The following BBOX1 variants were observed in gnomAD, a reference collection of about 807,000 sequenced individuals.
The protein encoded by BBOX1 is gamma-butyrobetaine hydroxylase 1.
Under a neutral mutation model 41.6 loss-of-function variants are expected in BBOX1, and 35 were observed. That is an observed-to-expected ratio of 0.84 (90% confidence interval 0.64 to 1.11). The LOEUF (loss-of-function observed/expected upper bound fraction) is 1.11. Among genes scored for constraint, BBOX1 ranks in the 50% most tolerant of loss-of-function variants. The pLI is 0.00. For synonymous variants in BBOX1, 163 were observed against 154.7 expected (o/e 1.05, Z -0.40); for missense variants, 458 against 460.6 (o/e 0.99, Z 0.05).
At chr11:27,071,398 G>C (rs886765523) in intron 4 of BBOX1, among the ~76,000 whole-genome samples, 46 of 151,398 alleles carry the variant, frequency 3.0e-4, no homozygotes, top group Non-Finnish European at 1.0e-4. Flanking sequence ...AAAAAAAGGG[G>C]GCTAAAGATA....
chr11:27,099,561 G>T (rs755868759), intron 5 of BBOX1, among the ~76,000 whole-genome samples: 8 of 152,000 alleles, frequency 5.3e-5, no homozygotes, highest in Non-Finnish European at 1.5e-5. Flanking sequence ...AAATACTTTG[G>T]AAACTTTACG....
At chr11:27,071,215 CA>C (rs746944498) in intron 4 of BBOX1, among the ~76,000 whole-genome samples, 2 of 151,116 alleles carry the variant, frequency 1.3e-5, no homozygotes, top group Admixed American at 6.6e-5. Flanking sequence ...TCTACTAAAA[CA>C]AAAAAAATGC....
intron 3 of BBOX1, among the ~76,000 whole-genome samples, chr11:27,056,623 A>C (rs958320868): frequency 1.3e-5 from 2 of 152,106 alleles, no homozygotes; most frequent in African/African-American, 2.4e-5. Context: ...TTATCACAGA[A>C]AGTTTGGGGA....
intron 4 of BBOX1, among the ~76,000 whole-genome samples, chr11:27,074,694 A>G (rs7931643): frequency 0.59 from 90,499 of 152,154 alleles, 29,675 homozygotes; most frequent in East Asian, 0.94. Context: ...ATAAAAGTCT[A>G]TACTCATATG....
chr11:27,044,436 A>C (rs1203746541), intron 2 of BBOX1, among the ~76,000 whole-genome samples: 1 of 152,072 alleles, frequency 6.6e-6, no homozygotes, highest in Non-Finnish European at 1.5e-5. Flanking sequence ...TCTTTAGTTT[A>C]ATTAGATCCA....
chr11:27,113,349 C>T (rs1244514136), intron 5 of BBOX1, among the ~76,000 whole-genome samples: 1 of 151,868 alleles, frequency 6.6e-6, no homozygotes, highest in East Asian at 1.9e-4. Flanking sequence ...AACATGTATG[C>T]ACGCATATGT....
intron 5 of BBOX1, among the ~76,000 whole-genome samples, chr11:27,098,162 C>A (rs1334852620): frequency 6.6e-6 from 1 of 151,900 alleles, no homozygotes; most frequent in African/African-American, 2.4e-5. Context: ...GCTTTTTGGC[C>A]TTTCTTGCCC....
rs553577622 is a variant in BBOX1 at position 27,084,774 on chromosome 11, G to A, written c.335-8394G>A. Among the ~76,000 whole-genome samples the A allele has an allele frequency of 1.1e-4, 16 of 152,192 alleles. No homozygotes were observed. In the South Asian group the frequency reaches 3.3e-3, roughly 32 times the overall value. On this transcript the variant is annotated intron_variant, in intron 4 of 8. Coordinates refer to ENST00000263182, the MANE Select transcript of BBOX1 (RefSeq NM_003986.3). Reference sequence around the variant, plus strand: ...TTTTCCTTTTTTGAAATACAGCTCAGGATCCAGGAATGTGATGCTTAACCC... The same window carrying A: ...TTTTCCTTTTTTGAAATACAGCTCAAGATCCAGGAATGTGATGCTTAACCC...
chr11:27,055,967 C>T (rs935711743), intron 3 of BBOX1, among the ~76,000 whole-genome samples: 18 of 152,294 alleles, frequency 1.2e-4, no homozygotes, highest in African/African-American at 4.1e-4. Flanking sequence ...AAACCAGAGG[C>T]AGCCACCATT....
intron 4 of BBOX1, among the ~76,000 whole-genome samples, chr11:27,070,355 G>A (rs766416031): frequency 6.6e-6 from 1 of 151,996 alleles, no homozygotes; most frequent in African/African-American, 2.4e-5. Flanking sequence ...TGTCAGTGGG[G>A]TATCGAAGTT....
intron 6 of BBOX1, among the ~76,000 whole-genome samples, chr11:27,116,321 G>T (rs116962703): frequency 0.033 from 5,078 of 151,784 alleles, 130 homozygotes; most frequent in South Asian, 0.11. Flanking sequence ...GGGCCTGTTG[G>T]GGGGGTTGGG....
rs1013106465 is a variant in BBOX1 at position 27,093,289 on chromosome 11, C to T, written c.456C>T (p.Leu152=). The T allele has an allele frequency of 5.6e-6, 9 of 1,612,462 alleles. No individual in the cohort carries two copies. Among genetic ancestry groups the T allele is most frequent in the African/African-American group, 1.3e-5 (1 of 74,798 alleles). Residue 152 remains leucine (L), a synonymous_variant, in exon 5 of 9, where the codon CTC becomes CTT. Transcript: ENST00000263182. ...TCAAGAAAGTAGGCATAGTAAGACT[C>T]ACCGGAGCATCTGACAAACCAGGAG... ...STLKKVGIVR[L]TGASDKPGEV...
chr11:27,110,725 C>G (rs891287555), intron 5 of BBOX1, among the ~76,000 whole-genome samples: 1 of 151,828 alleles, frequency 6.6e-6, no homozygotes, highest in Non-Finnish European at 1.5e-5. Flanking sequence ...CTTTGTAGAA[C>G]CTATCTCTAT....
chr11:27,057,523 GA>G, intron 4 of BBOX1: 1 of 484,742 alleles, frequency 2.1e-6, no homozygotes, highest in East Asian at 4.1e-5. Flanking sequence ...ATTCTACAGA[GA>G]AAGAAACAAA....
intron 2 of BBOX1, chr11:27,047,041 C>T (rs980327548): frequency 5.9e-5 from 9 of 152,030 alleles, no homozygotes; most frequent in Non-Finnish European, 1.0e-4. Flanking sequence ...TCACGTTTAT[C>T]ATAAATTTAA....
chr11:27,090,044 C>T (rs530179619), intron 4 of BBOX1, among the ~76,000 whole-genome samples: 1 of 151,952 alleles, frequency 6.6e-6, no homozygotes, highest in African/African-American at 2.4e-5. Flanking sequence ...ACATCTATTG[C>T]CTCTCTGAGA....
chr11:27,070,126 G>C lies in BBOX1; in HGVS notation c.334+12811G>C, dbSNP rs113123193. Among the ~76,000 whole-genome samples the C allele has an allele frequency of 2.2e-3, 328 of 152,178 alleles. 2 individuals carry two copies. The highest frequency in any genetic ancestry group is 7.1e-3 in the African/African-American group (295 of 41,554). ...AGTTTTATTCCACTGTGTTCTGAGA[G>C]GGTACTTGATATAATTTTGATTTTC... On this transcript the variant is annotated intron_variant, in intron 4 of 8. Transcript: ENST00000263182.
chr11:27,050,137 G>T (rs1851626320), intron 2 of BBOX1, among the ~76,000 whole-genome samples: 1 of 152,182 alleles, frequency 6.6e-6, no homozygotes. Flanking sequence ...GTGTTCTTGG[G>T]ATCTTTGTCA....
chr11:27,046,188 C>G (rs1851481646), intron 2 of BBOX1: 1 of 151,978 alleles, frequency 6.6e-6, no homozygotes. Flanking sequence ...CTTTTATTTC[C>G]AAGATCAATG....
Sources: gnomAD v4.1 joint callset for allele counts (sites outside exome capture counted in the v4.1 genomes callset) on GRCh38, gnomAD v4.1.1 for gene constraint, MANE v1.5 for transcripts, NCBI Gene and HGNC (gene_info 2026-07-23, HGNC 2026-07-21) for gene names.